The following DACH2 variants were observed in gnomAD, a reference collection of about 807,000 sequenced individuals.
DACH2 encodes dachshund family transcription factor 2.
Under a neutral mutation model 35.8 loss-of-function variants are expected in DACH2, and 17 were observed. The ratio of observed to expected loss-of-function variants is 0.48; its 90% CI spans 0.33 to 0.71. DACH2 has a LOEUF of 0.71. DACH2 is among the 30% of genes least tolerant of loss of function. DACH2 has a pLI of 0.02. For synonymous variants in DACH2, 195 were observed against 177.3 expected (o/e 1.10, Z -0.79); for missense variants, 469 against 472.7 (o/e 0.99, Z 0.07).
At chrX:86,591,591 G>A (rs1287294794) in intron 3 of DACH2, among the ~76,000 whole-genome samples, 1 of 104,044 alleles carries the variant, frequency 9.6e-6, no homozygotes, top group African/African-American at 3.6e-5. Flanking sequence ...AGGCTGGAGT[G>A]CAGTTGCACA....
chrX:86,766,028 A>T (rs1402207362), intron 7 of DACH2, among the ~76,000 whole-genome samples: 3 of 109,906 alleles, frequency 2.7e-5, no homozygotes, highest in Non-Finnish European at 5.7e-5. Flanking sequence ...GACTTGGACC[A>T]ATCCTAATTT....
At chrX:86,247,501 A>G (rs1199862705) in intron 1 of DACH2, among the ~76,000 whole-genome samples, 1 of 111,935 alleles carries the variant, frequency 8.9e-6, no homozygotes, top group African/African-American at 3.2e-5. Context: ...ACCTTTATGC[A>G]TACAAACTAG....
At chrX:86,668,526 T>A (rs974281078) in intron 4 of DACH2, among the ~76,000 whole-genome samples, 43 of 111,994 alleles carry the variant, frequency 3.8e-4, no homozygotes, top group Admixed American at 2.5e-3. Context: ...TTAATGGAAA[T>A]GTATTTTGTT....
chrX:86,359,180 A>G (rs1184655976), intron 1 of DACH2, among the ~76,000 whole-genome samples: 1 of 109,692 alleles, frequency 9.1e-6, no homozygotes, highest in Admixed American at 9.9e-5. Flanking sequence ...TTTTATTACA[A>G]TTAAAATTAA....
intron 7 of DACH2, among the ~76,000 whole-genome samples, chrX:86,793,710 G>A (rs974591562): frequency 8.9e-6 from 1 of 111,887 alleles, no homozygotes; most frequent in Non-Finnish European, 1.9e-5. Flanking sequence ...TTTCTACTCT[G>A]GCTCATTCAA....
intron 11 of DACH2, among the ~76,000 whole-genome samples, chrX:86,821,198 T>C (rs762054603): frequency 1.9e-4 from 21 of 110,978 alleles, no homozygotes; most frequent in East Asian, 8.5e-4. Flanking sequence ...TTCCCTCCCA[T>C]TGATGCCCGG....
rs767616558 is a variant in DACH2, at chrX:86,728,947, C to T, written c.1105-10800C>T. On this transcript the variant is annotated intron_variant, in intron 6 of 11. Coordinates refer to ENST00000373125, the MANE Select transcript of DACH2 (RefSeq NM_053281.3). ...CTAGGGCAGTGCAGAGGGAAAATAA[C>T]GGGGTTGGAGCCCTTACACAGAGTC... 8.8e-4 allele frequency among the ~76,000 whole-genome samples: 99 copies of T among 112,720 alleles called. 1 individual carries two copies. The highest frequency in any genetic ancestry group is 1.5e-3 in the Non-Finnish European group (82 of 53,283).
At chrX:86,376,895 T>C in intron 2 of DACH2, 33 bp downstream of exon 2, 1 of 621,107 alleles carries the variant, frequency 1.6e-6, no homozygotes, top group Non-Finnish European at 2.6e-6. Context: ...AAAATCAAAT[T>C]CCTGAGAATG....
chrX:86,556,981 C>T (rs972191653), intron 3 of DACH2, among the ~76,000 whole-genome samples: 1 of 106,992 alleles, frequency 9.3e-6, no homozygotes, highest in Admixed American at 1.0e-4. Context: ...TATGGCATAA[C>T]TCTAAGATCT....
At chrX:86,611,271 G>T (rs939960572) in intron 3 of DACH2, among the ~76,000 whole-genome samples, 1 of 110,535 alleles carries the variant, frequency 9.0e-6, no homozygotes, top group African/African-American at 3.3e-5. Flanking sequence ...TTCTACAGTG[G>T]CTGAGCATGT....
At chrX:86,446,261 TAAG>T in intron 2 of DACH2, among the ~76,000 whole-genome samples, 1 of 105,353 alleles carries the variant, frequency 9.5e-6, no homozygotes, top group Admixed American at 1.1e-4. Flanking sequence ...CAGTTTCTTG[TAAG>T]AAGCATATAG....
intron 1 of DACH2, among the ~76,000 whole-genome samples, chrX:86,216,915 C>T (rs1326105659): frequency 9.1e-6 from 1 of 109,940 alleles, no homozygotes; most frequent in South Asian, 3.9e-4. Context: ...GCCAACGTAG[C>T]GAAACCTGAC....
chrX:86,630,256 A>G (rs190493667), intron 3 of DACH2, among the ~76,000 whole-genome samples: 92 of 110,359 alleles, frequency 8.3e-4, no homozygotes, highest in Non-Finnish European at 1.2e-3. Flanking sequence ...CAATTTCAAG[A>G]TTTATTAGCT....
chrX:86,196,692 CAAAAAAAAAAAAAAAA>C (rs56268300), intron 1 of DACH2, among the ~76,000 whole-genome samples: 1 of 27,372 alleles, frequency 3.7e-5, no homozygotes, highest in Non-Finnish European at 5.5e-5. Flanking sequence ...GACTCCATCT[CAAAAAAAAAAAAAAAA>C]AAAAAAAAAA....
At chrX:86,453,250 G>C (rs1241681171) in intron 2 of DACH2, among the ~76,000 whole-genome samples, 2 of 111,925 alleles carry the variant, frequency 1.8e-5, no homozygotes, top group African/African-American at 6.5e-5. Context: ...ATCATATTTA[G>C]ATTAAGTGCC....
rs767257645 is a variant in DACH2, at chrX:86,154,399, G to T, written c.488+5291G>T. On this transcript the variant is annotated intron_variant, in intron 1 of 11. Transcript: ENST00000373125. ...ATTAGGTATTAATGATATTCTTGTTGTATATTCAAAAAGCCTTTGGTTGCA... is the reference window on the plus strand; with the variant it reads ...ATTAGGTATTAATGATATTCTTGTTTTATATTCAAAAAGCCTTTGGTTGCA... Among the ~76,000 whole-genome samples the T allele has an allele frequency of 3.6e-5, 4 of 111,346 alleles. No homozygotes were observed. The South Asian group carries it at 1.5e-3, about 42-fold the overall frequency.
rs745485173 is a variant in DACH2 at position 86,307,077 on chromosome X, G to A, written c.489-69747G>A. On this transcript the variant is annotated intron_variant, in intron 1 of 11. Coordinates refer to ENST00000373125, the MANE Select transcript of DACH2 (RefSeq NM_053281.3). ...GCTCATGAAAGGCAAGGAGTTTAGTGACTCTACACATAATATCATTGGCCA... is the reference window on the plus strand; with the variant it reads ...GCTCATGAAAGGCAAGGAGTTTAGTAACTCTACACATAATATCATTGGCCA... Among the ~76,000 whole-genome samples the A allele has an allele frequency of 3.6e-5, 4 of 111,857 alleles. No homozygotes were observed. In the East Asian group the frequency reaches 1.1e-3, roughly 31 times the overall value.
chrX:86,599,211 G>A (rs919884716), intron 3 of DACH2, among the ~76,000 whole-genome samples: 1 of 110,741 alleles, frequency 9.0e-6, no homozygotes, highest in African/African-American at 3.3e-5. Context: ...CTATTATTGT[G>A]GCCAATTCCT....
At chrX:86,623,971 C>T (rs1232501277) in intron 3 of DACH2, among the ~76,000 whole-genome samples, 1 of 91,033 alleles carries the variant, frequency 1.1e-5, no homozygotes. Flanking sequence ...TGGCGTGAAC[C>T]CGGGAGGCGG....
Sources: gnomAD v4.1 joint callset for allele counts (sites outside exome capture counted in the v4.1 genomes callset) on GRCh38, gnomAD v4.1.1 for gene constraint, MANE v1.5 for transcripts, NCBI Gene and HGNC (gene_info 2026-07-23, HGNC 2026-07-21) for gene names.